The following MPPED2 variants were observed in gnomAD, a reference collection of about 807,000 sequenced individuals.
The protein encoded by MPPED2 is metallophosphoesterase MPPED2.
In MPPED2, 5 loss-of-function variants were observed where a neutral mutation model predicts 33.0. That is an observed-to-expected ratio of 0.15 (90% confidence interval 0.08 to 0.32). The LOEUF is 0.32. Among genes scored for constraint, MPPED2 ranks in the 10% least tolerant of loss-of-function variants. MPPED2 has a pLI of 1.00. For synonymous variants in MPPED2, 136 were observed against 141.9 expected, an observed-to-expected ratio of 0.96 and a Z score of 0.29; for missense variants, 275 against 372.1, an observed-to-expected ratio of 0.74 and a Z score of 2.15.
intron 4 of MPPED2, among the ~76,000 whole-genome samples, chr11:30,437,111 A>G (rs2133877436): frequency 6.6e-6 from 1 of 152,346 alleles, no homozygotes; most frequent in Non-Finnish European, 1.5e-5. Flanking sequence ...TCAGGAAATT[A>G]ACTTTAATGA....
chr11:30,576,563 G>A (rs1314856625), intron 2 of MPPED2, among the ~76,000 whole-genome samples: 6 of 152,104 alleles, frequency 3.9e-5, no homozygotes, highest in Non-Finnish European at 2.9e-5. Context: ...ATAAAGTTTT[G>A]TAACATTTGA....
chr11:30,544,047 T>TA (rs910899559), intron 2 of MPPED2, among the ~76,000 whole-genome samples: 20 of 152,302 alleles, frequency 1.3e-4, no homozygotes, highest in African/African-American at 4.6e-4. Flanking sequence ...TTTTTCCTCT[T>TA]ACAAAAGTAC....
chr11:30,489,052 C>T (rs35827570), intron 4 of MPPED2, among the ~76,000 whole-genome samples: 24,555 of 141,158 alleles, frequency 0.17, 2,595 homozygotes, highest in Non-Finnish European at 0.24. Flanking sequence ...TCTTCTTCTC[C>T]TTTTTTTTTT....
intron 2 of MPPED2, among the ~76,000 whole-genome samples, chr11:30,574,107 C>T (rs183720412): frequency 1.1e-3 from 172 of 152,214 alleles, no homozygotes; most frequent in Non-Finnish European, 1.9e-3. Context: ...ATAAAGCCTA[C>T]AGTAGTGTTT....
At chr11:30,397,127 TA>T (rs1947848688) in intron 6 of MPPED2, among the ~76,000 whole-genome samples, 1 of 152,186 alleles carries the variant, frequency 6.6e-6, no homozygotes, top group African/African-American at 2.4e-5. Flanking sequence ...CAGAAAATAT[TA>T]TTTACTGTGA....
chr11:30,484,974 G>C (rs1034477731), intron 4 of MPPED2, among the ~76,000 whole-genome samples: 29 of 151,716 alleles, frequency 1.9e-4, no homozygotes, highest in Non-Finnish European at 2.5e-4. Context: ...CCATAGAAAC[G>C]AAGCAAACAA....
At chr11:30,526,907 A>T (rs935765823) in intron 3 of MPPED2, among the ~76,000 whole-genome samples, 30 of 151,346 alleles carry the variant, frequency 2.0e-4, no homozygotes, top group East Asian at 7.8e-4. Flanking sequence ...TTATTTTTTT[A>T]ATTTTTTATT....
chr11:30,482,849 T>C (rs980703735), intron 4 of MPPED2, among the ~76,000 whole-genome samples: 3 of 152,186 alleles, frequency 2.0e-5, no homozygotes, highest in Non-Finnish European at 4.4e-5. Flanking sequence ...CTTCAAAATT[T>C]CCTATGAACT....
At chr11:30,578,961 C>T (rs1313674501) in intron 2 of MPPED2, among the ~76,000 whole-genome samples, 1 of 149,486 alleles carries the variant, frequency 6.7e-6, no homozygotes, top group Admixed American at 6.7e-5. Flanking sequence ...AAAGTTCTTT[C>T]AAATAGTTTA....
At chr11:30,444,564 A>G (rs1056325972) in intron 4 of MPPED2, among the ~76,000 whole-genome samples, 1 of 152,158 alleles carries the variant, frequency 6.6e-6, no homozygotes, top group African/African-American at 2.4e-5. Context: ...GGCTGAAACA[A>G]GAAATAAAAT....
intron 2 of MPPED2, among the ~76,000 whole-genome samples, chr11:30,554,784 C>A (rs978403381): frequency 2.0e-5 from 3 of 152,170 alleles, no homozygotes; most frequent in Non-Finnish European, 1.5e-5. Flanking sequence ...CATGAGTCAC[C>A]ATGCCCAGCC....
In MPPED2 at chr11:30,411,364, AAG is replaced by A; in HGVS notation, c.*102_*103del. 1 of 1,406,812 alleles carries A rather than the reference AAG, an allele frequency of 7.1e-7. No individual in the cohort carries two copies. Among genetic ancestry groups the A allele is most frequent in the Non-Finnish European group, 9.4e-7 (1 of 1,069,168 alleles). 87.1% of individuals were successfully genotyped at this position (1,406,812 alleles called of 1,614,324 possible). Reference sequence around the variant, plus strand: ...CATTTGTGTTCCAACAATTTACAAAAAGAACTCACAGGGTTTGTAAATAAGTA... The same window carrying A: ...CATTTGTGTTCCAACAATTTACAAAAAACTCACAGGGTTTGTAAATAAGTA... On this transcript the variant is annotated 3_prime_UTR_variant, in exon 7 of 7. Coordinates refer to ENST00000358117, the MANE Select transcript of MPPED2 (RefSeq NM_001584.3).
At chr11:30,420,417 G>A (rs1257475837) in intron 4 of MPPED2, among the ~76,000 whole-genome samples, 1 of 152,212 alleles carries the variant, frequency 6.6e-6, no homozygotes, top group Non-Finnish European at 1.5e-5. Context: ...AGTCCAGTGA[G>A]ACCCATGTCA....
intron 6 of MPPED2, among the ~76,000 whole-genome samples, chr11:30,390,572 T>C (rs776647128): frequency 6.6e-6 from 1 of 152,256 alleles, no homozygotes; most frequent in South Asian, 2.1e-4. Context: ...CGCTGAAATA[T>C]GTCAACCAAG....
intron 4 of MPPED2, among the ~76,000 whole-genome samples, chr11:30,458,911 G>GTTTTTTTTT (rs1340798234): frequency 1.2e-5 from 1 of 86,328 alleles, no homozygotes; most frequent in Non-Finnish European, 2.5e-5. Context: ...ATTTTGCACA[G>GTTTTTTTTT]TTCTTTTTTT....
At chr11:30,578,136 G>C (rs367601088) in intron 2 of MPPED2, among the ~76,000 whole-genome samples, 1 of 152,126 alleles carries the variant, frequency 6.6e-6, no homozygotes, top group Non-Finnish European at 1.5e-5. Flanking sequence ...GGTAGAAAAG[G>C]CTTAAGTGGA....
chr11:30,560,359 A>G (rs765446463), intron 2 of MPPED2, among the ~76,000 whole-genome samples: 18 of 152,044 alleles, frequency 1.2e-4, no homozygotes, highest in Non-Finnish European at 2.1e-4. Context: ...ACTGCCTGAA[A>G]AGCTTCAGAT....
rs184178476 is a variant in MPPED2, at chr11:30,501,945, C to G, written c.311-6424G>C. 5.3e-5 allele frequency among the ~76,000 whole-genome samples: 8 copies of G among 152,226 alleles called. No individual in the cohort carries two copies. In the East Asian group the frequency reaches 9.7e-4, roughly 18 times the overall value. On this transcript the variant is annotated intron_variant, in intron 3 of 6. Coordinates refer to ENST00000358117, the MANE Select transcript of MPPED2 (RefSeq NM_001584.3). ...TGGTTTGAAGCTGTGCTCCGTGAAG[C>G]CTCCCCAGGGATGGAGAAGGGCAGA...
chr11:30,465,007 G>A (rs957581806), intron 4 of MPPED2, among the ~76,000 whole-genome samples: 2 of 152,154 alleles, frequency 1.3e-5, no homozygotes, highest in African/African-American at 4.8e-5. Flanking sequence ...CTAGGTCTAA[G>A]CAATGTGGTC....
Sources: allele counts gnomAD v4.1 joint callset (sites outside exome capture counted in the v4.1 genomes callset), GRCh38; gene constraint gnomAD v4.1.1; transcripts MANE v1.5; gene names NCBI Gene and HGNC (gene_info 2026-07-23, HGNC 2026-07-21).